The following PRMT9 variants were observed in gnomAD, a reference collection of about 807,000 sequenced individuals.
PRMT9 encodes protein arginine N-methyltransferase 9.
PRMT9 carries 59 observed loss-of-function variants against 83.2 expected under a neutral mutation model. That is an observed-to-expected ratio of 0.71 (90% CI 0.57 to 0.88). PRMT9 has a LOEUF of 0.88. PRMT9 is among the 40% of genes least tolerant of loss of function. The pLI is 0.00. For missense variants in PRMT9, 947 were observed against 1,021.9 expected (o/e 0.93, Z 1.00); for synonymous variants, 333 against 353.2 (o/e 0.94, Z 0.64).
At chr4:147,651,012 G>A (rs1447537845) in intron 9 of PRMT9, among the ~76,000 whole-genome samples, 1 of 152,050 alleles carries the variant, frequency 6.6e-6, no homozygotes, top group Non-Finnish European at 1.5e-5. Context: ...TGAGGCAGGA[G>A]AATCCCCTTG....
At chr4:147,652,004 G>A (rs1016636265) in intron 9 of PRMT9, among the ~76,000 whole-genome samples, 9 of 152,202 alleles carry the variant, frequency 5.9e-5, no homozygotes, top group African/African-American at 2.2e-4. Context: ...AAAATAAAAT[G>A]TGGCTATAAA....
At chr4:147,669,780 T>C (rs1225370328) in intron 5 of PRMT9, among the ~76,000 whole-genome samples, 1 of 152,242 alleles carries the variant, frequency 6.6e-6, no homozygotes, top group African/African-American at 2.4e-5. Context: ...TTTTATTACA[T>C]ATTAAAATCC....
At chr4:147,668,688 A>G in intron 5 of PRMT9, 43 bp from the exon 6 acceptor site, 2 of 1,124,246 alleles carry the variant, frequency 1.8e-6, no homozygotes, top group East Asian at 2.4e-5. Context: ...ACATGTATGT[A>G]AAAATGTGTG....
chr4:147,648,227 G>A (rs74609207), intron 9 of PRMT9, among the ~76,000 whole-genome samples: 5,301 of 151,992 alleles, frequency 0.035, 231 homozygotes, highest in East Asian at 0.23. Flanking sequence ...AAAGACCATG[G>A]CAAGATTAGA....
rs747809826 is a variant in PRMT9 at position 147,668,597 on chromosome 4, C to G, written c.895G>C (p.Ala299Pro). Residue 299 changes from alanine to proline, a missense_variant, in exon 6 of 12, where the codon GCA becomes CCA. Coordinates refer to ENST00000322396, the MANE Select transcript of PRMT9 (RefSeq NM_138364.4). Reference sequence around the variant, plus strand: ...GCCATCCCAAATATAACAGCACTTGCTGGTATAACTTTCCCATACTTTTCA... The same window carrying G: ...GCCATCCCAAATATAACAGCACTTGGTGGTATAACTTTCCCATACTTTTCA... ...NCEKYGKVIP[A>P]SAVIFGMAVE... 6.2e-7 allele frequency: 1 copy of G among 1,612,574 alleles called. No homozygotes were observed. Among genetic ancestry groups the G allele is most frequent in the South Asian group, 1.1e-5 (1 of 91,054 alleles).
chr4:147,670,812 G>C, intron 4 of PRMT9, 69 bp from the exon 5 acceptor site: 3 of 1,010,942 alleles, frequency 3.0e-6, no homozygotes, highest in Admixed American at 1.7e-5. Flanking sequence ...TGTCAAAGCT[G>C]AGAGGAGAAA....
At chr4:147,680,556 A>C in intron 1 of PRMT9, 85 bp from the exon 2 acceptor site, 1 of 1,031,448 alleles carries the variant, frequency 9.7e-7, no homozygotes, top group Non-Finnish European at 1.5e-6. Context: ...ATTCCAAGCA[A>C]TCGAACTTAA....
chr4:147,658,836 C>T (rs945941273), intron 7 of PRMT9, among the ~76,000 whole-genome samples: 6 of 152,130 alleles, frequency 3.9e-5, no homozygotes, highest in East Asian at 1.9e-4. Flanking sequence ...TGGTGGCTCA[C>T]GCCTGTAATC....
intron 6 of PRMT9, among the ~76,000 whole-genome samples, chr4:147,663,263 C>T (rs991680196): frequency 1.3e-5 from 2 of 152,132 alleles, no homozygotes; most frequent in Non-Finnish European, 2.9e-5. Context: ...CCGCCTCAGC[C>T]TCCCAAAGTG....
intron 2 of PRMT9, among the ~76,000 whole-genome samples, chr4:147,679,627 A>G (rs1283303950): frequency 2.0e-5 from 3 of 152,130 alleles, no homozygotes; most frequent in Non-Finnish European, 4.4e-5. Flanking sequence ...AGGCGCCTGT[A>G]ATGCCAGCTT....
Position 147,661,538 on chromosome 4 carries a change from C to T in PRMT9, c.954-500G>A, listed in dbSNP as rs145087036. ...AGGCGCGGTGGCTCATGCCTGTAAT[C>T]CCAGCACTTTGGGAGGCCAAGGCGG... On this transcript the variant is annotated intron_variant, in intron 6 of 11. Coordinates refer to ENST00000322396, the MANE Select transcript of PRMT9 (RefSeq NM_138364.4). 3.0e-3 allele frequency among the ~76,000 whole-genome samples: 462 copies of T among 152,158 alleles called. 4 individuals carry two copies. Among genetic ancestry groups the T allele is most frequent in the African/African-American group, 0.011 (441 of 41,546 alleles).
chr4:147,677,751 C>T (rs1736186703), intron 2 of PRMT9, among the ~76,000 whole-genome samples: 1 of 151,838 alleles, frequency 6.6e-6, no homozygotes, highest in Non-Finnish European at 1.5e-5. Context: ...GCCACCATGC[C>T]CGACCTAGAA....
In PRMT9 at chr4:147,657,967, T is replaced by A; in HGVS notation, c.1155A>T (p.Lys385Asn). 1 of 1,596,886 alleles carries A rather than the reference T, an allele frequency of 6.3e-7. No homozygotes were observed. The highest frequency in any genetic ancestry group is 8.6e-7 in the Non-Finnish European group (1 of 1,167,400). The change falls in exon 8 of 12, where the codon AAA (lysine) becomes AAT (asparagine). Residue 385 changes from lysine to asparagine, a missense_variant. Physicochemically the swap from Lys to Asn is moderately conservative, Grantham distance 94. Coordinates refer to ENST00000322396, the MANE Select transcript of PRMT9 (RefSeq NM_138364.4). The part of the protein sequence containing the change: ...TVDFNNLQEL[K>N]SLATKKPDKI... ...TATCAGGCTTTTTAGTTGCAAGACT[T>A]TTTAATTCCTGAGAAAAATGTAGAA...
intron 9 of PRMT9, among the ~76,000 whole-genome samples, chr4:147,645,791 C>T (rs1733688424): frequency 6.6e-6 from 1 of 152,138 alleles, no homozygotes; most frequent in South Asian, 2.1e-4. Flanking sequence ...GTGAGGAGCA[C>T]AGATTCAGCA....
chr4:147,681,604 C>A (rs777498135), intron 1 of PRMT9, among the ~76,000 whole-genome samples: 2 of 151,914 alleles, frequency 1.3e-5, no homozygotes, highest in Non-Finnish European at 2.9e-5. Flanking sequence ...ATGGCCAACA[C>A]GGTGAAACCC....
At chr4:147,645,632 T>A (rs1733677975) in intron 9 of PRMT9, among the ~76,000 whole-genome samples, 1 of 152,228 alleles carries the variant, frequency 6.6e-6, no homozygotes, top group South Asian at 2.1e-4. Context: ...TCTAGTGTTC[T>A]CTGTTATTAT....
At chr4:147,667,254 C>A (rs1287770273) in intron 6 of PRMT9, among the ~76,000 whole-genome samples, 2 of 152,114 alleles carry the variant, frequency 1.3e-5, no homozygotes, top group African/African-American at 4.8e-5. Context: ...GACATAAGTG[C>A]AAAGATGTTT....
rs1734923950 is a variant in PRMT9 at position 147,661,179 on chromosome 4, A to AT, written c.954-142dup. 12 of 646,398 alleles carry AT rather than the reference A, an allele frequency of 1.9e-5. No homozygotes were observed. The South Asian group carries it at 2.2e-4, about 12-fold the overall frequency. 40.0% of individuals were successfully genotyped at this position (646,398 alleles called of 1,614,324 possible). A position where few individuals can be genotyped will look rare whatever the true frequency, so the allele number is the denominator to read the frequency against. ...AAGATTTCTTAAACATAACTACATA[A>AT]TACACACACATATAAAACCACTAAC... On this transcript the variant is annotated intron_variant, in intron 6 of 11. Coordinates refer to ENST00000322396, the MANE Select transcript of PRMT9 (RefSeq NM_138364.4).
At chr4:147,640,499 T>TA (rs1733323506) in intron 10 of PRMT9, among the ~76,000 whole-genome samples, 1 of 152,178 alleles carries the variant, frequency 6.6e-6, no homozygotes, top group African/African-American at 2.4e-5. Context: ...CATCCAGTCT[T>TA]ATGGCCTTAA....
Sources: allele counts gnomAD v4.1 joint callset (sites outside exome capture counted in the v4.1 genomes callset), GRCh38; gene constraint gnomAD v4.1.1; transcripts MANE v1.5; gene names NCBI Gene and HGNC (gene_info 2026-07-23, HGNC 2026-07-21).